The following WDR88 variants were observed in gnomAD, a reference collection of about 807,000 sequenced individuals.
WDR88 encodes WD repeat domain 88.
Under a neutral mutation model 46.8 loss-of-function variants are expected in WDR88, and 40 were observed. The ratio of observed to expected loss-of-function variants is 0.86; its 90% CI spans 0.66 to 1.11. The LOEUF (loss-of-function observed/expected upper bound fraction) is 1.11, where lower values mean the gene tolerates loss of function less well. Among genes scored for constraint, WDR88 ranks in the 50% most tolerant of loss-of-function variants. The pLI, the probability that WDR88 is intolerant of heterozygous loss-of-function variation, is 0.00. For missense variants in WDR88, 562 were observed against 602.4 expected, an observed-to-expected ratio of 0.93 and a Z score of 0.70; for synonymous variants, 235 against 240.7, an observed-to-expected ratio of 0.98 and a Z score of 0.22.
chr19:33,158,752 C>T (rs1425578844), intron 7 of WDR88, among the ~76,000 whole-genome samples: 5 of 152,126 alleles, frequency 3.3e-5, no homozygotes, highest in African/African-American at 4.8e-5. Context: ...CAGGCTGGAG[C>T]GCAGTTGCGC....
At chr19:33,156,994 A>C (rs1251286776) in intron 7 of WDR88, among the ~76,000 whole-genome samples, 2 of 152,072 alleles carry the variant, frequency 1.3e-5, no homozygotes, top group Non-Finnish European at 2.9e-5. Flanking sequence ...CCAGGAGTTC[A>C]AGACCAGCCT....
chr19:33,144,715 T>C, intron 2 of WDR88, 129 bp from the exon 3 acceptor site: 1 of 798,134 alleles, frequency 1.3e-6, no homozygotes, highest in Admixed American at 2.0e-5. Flanking sequence ...TGAGTGAGAG[T>C]CCCAGGACCT....
At chr19:33,134,883 G>A (rs1185783759) in intron 1 of WDR88, among the ~76,000 whole-genome samples, 8 of 72,642 alleles carry the variant, frequency 1.1e-4, no homozygotes, top group East Asian at 4.8e-4. Flanking sequence ...GAAGGCCACC[G>A]CCGCCCTGAA....
chr19:33,160,641 C>T, intron 8 of WDR88, 145 bp downstream of exon 8: 1 of 814,398 alleles, frequency 1.2e-6, no homozygotes, highest in South Asian at 1.6e-5. Flanking sequence ...AGGAAGCCAG[C>T]AAACACACCA....
chr19:33,157,661 G>A (rs983581249), intron 7 of WDR88, among the ~76,000 whole-genome samples: 8 of 80,514 alleles, frequency 9.9e-5, no homozygotes, highest in African/African-American at 6.0e-4. Flanking sequence ...ATGTATATAT[G>A]TATGTATGTG....
At chr19:33,172,323 ACC>A in intron 9 of WDR88, 23 bp from the exon 10 acceptor site, 1 of 1,587,456 alleles carries the variant, frequency 6.3e-7, no homozygotes, top group East Asian at 2.2e-5. Context: ...CTGTTTTGTG[ACC>A]GCTGGTTTGC....
chr19:33,153,590 G>C (rs941602092), intron 6 of WDR88, among the ~76,000 whole-genome samples: 2 of 152,078 alleles, frequency 1.3e-5, no homozygotes, highest in Non-Finnish European at 2.9e-5. Context: ...CGCCTCCCGG[G>C]TTCAAGCAAT....
chr19:33,151,058 G>A, intron 5 of WDR88, 123 bp from the exon 6 acceptor site: 2 of 1,153,680 alleles, frequency 1.7e-6, no homozygotes, highest in East Asian at 2.6e-5. Context: ...GTGCAGGTGT[G>A]TAGCTCCTGA....
intron 1 of WDR88, among the ~76,000 whole-genome samples, chr19:33,134,665 C>T (rs984116441): frequency 6.6e-6 from 1 of 152,028 alleles, no homozygotes; most frequent in African/African-American, 2.4e-5. Context: ...CAACCCTGCA[C>T]GCGCGGCCCC....
chr19:33,141,060 C>T (rs763666402), intron 2 of WDR88, among the ~76,000 whole-genome samples: 197 of 151,146 alleles, frequency 1.3e-3, no homozygotes, highest in Non-Finnish European at 2.3e-3. Flanking sequence ...TCTCAGCCTC[C>T]CAAGTCGCTG....
intron 3 of WDR88, among the ~76,000 whole-genome samples, chr19:33,147,368 C>T (rs1568362896): frequency 6.6e-6 from 1 of 151,964 alleles, no homozygotes; most frequent in South Asian, 2.1e-4. Context: ...TTTGGGAGGC[C>T]GAGGCAGGTG....
chr19:33,156,381 G>C lies in WDR88; in HGVS notation c.836G>C (p.Cys279Ser). The C allele has an allele frequency of 1.2e-6, 2 of 1,614,134 alleles. No individual in the cohort carries two copies. Among genetic ancestry groups the C allele is most frequent in the Non-Finnish European group, 1.7e-6 (2 of 1,180,030 alleles). Residue 279 changes from cysteine (C) to serine (S), a missense_variant, in exon 7 of 11, where the codon TGC (cysteine) becomes TCC (serine). Physicochemically the swap from Cys to Ser is moderately radical, Grantham distance 112. Coordinates refer to ENST00000355868, the MANE Select transcript of WDR88 (RefSeq NM_173479.4). ...GCACATTCCAATGCAATCTCAAACTGCTGTTTTACCTTCAGTGGCCATTTC... is the reference window on the plus strand; with the variant it reads ...GCACATTCCAATGCAATCTCAAACTCCTGTTTTACCTTCAGTGGCCATTTC... ...TKAHSNAISN[C>S]CFTFSGHFLC...
chr19:33,143,796 A>AT lies in WDR88; in HGVS notation c.388-1041dup, dbSNP rs559924722. ...CGGCTGTGAAAATGTTGTCATAGGT[A>AT]TTTTTTTCTTCTCCACGAACATCCA... On this transcript the variant is annotated intron_variant, in intron 2 of 10. Coordinates refer to ENST00000355868, the MANE Select transcript of WDR88 (RefSeq NM_173479.4). 9.9e-5 allele frequency among the ~76,000 whole-genome samples: 15 copies of AT among 152,180 alleles called. No individual in the cohort carries two copies. In the East Asian group the frequency reaches 1.5e-3, roughly 16 times the overall value.
At chr19:33,157,659 ATGTATGTATG>A (rs1973773022) in intron 7 of WDR88, among the ~76,000 whole-genome samples, 1 of 97,668 alleles carries the variant, frequency 1.0e-5, no homozygotes, top group South Asian at 3.5e-4. Context: ...GTATGTATAT[ATGTATGTATG>A]TGTGTGTGTG....
intron 1 of WDR88, among the ~76,000 whole-genome samples, chr19:33,133,198 T>TATATATAG (rs1555723214): frequency 7.5e-5 from 6 of 79,722 alleles, no homozygotes; most frequent in African/African-American, 2.0e-4. Context: ...TAAATAAATA[T>TATATATAG]AGAGAGAGAG....
chr19:33,141,530 C>A, intron 2 of WDR88, among the ~76,000 whole-genome samples: 1 of 151,926 alleles, frequency 6.6e-6, no homozygotes, highest in East Asian at 1.9e-4. Flanking sequence ...AACCCAGCCC[C>A]AAACTTATTT....
intron 10 of WDR88, 148 bp from the exon 11 acceptor site, chr19:33,175,248 A>AAC (rs200092325): frequency 1.2e-5 from 11 of 949,966 alleles, no homozygotes; most frequent in African/African-American, 3.4e-5. Flanking sequence ...AACAAAAACA[A>AAC]AAACAAACAA....
At chr19:33,151,443 G>A (rs1973633152) in intron 6 of WDR88, 133 bp downstream of exon 6, 10 of 1,152,788 alleles carry the variant, frequency 8.7e-6, no homozygotes, top group Non-Finnish European at 1.1e-5. Context: ...GAGGAGGCTG[G>A]GGACAGGCAG....
intron 3 of WDR88, among the ~76,000 whole-genome samples, chr19:33,146,925 T>C (rs1292118727): frequency 6.6e-6 from 1 of 151,382 alleles, no homozygotes; most frequent in African/African-American, 2.4e-5. Flanking sequence ...ATTAGAAAAA[T>C]GAAAAAAAGT....
Sources: gnomAD v4.1 joint callset for allele counts (sites outside exome capture counted in the v4.1 genomes callset) on GRCh38, gnomAD v4.1.1 for gene constraint, MANE v1.5 for transcripts, NCBI Gene and HGNC (gene_info 2026-07-23, HGNC 2026-07-21) for gene names.